PRIM2: variants seen among roughly 807,000 people sequenced by gnomAD.
PRIM2 encodes the protein DNA primase subunit 2.
PRIM2 carries 39 observed loss-of-function variants against 67.3 expected under a neutral mutation model. The ratio of observed to expected loss-of-function variants is 0.58; its 90% CI spans 0.45 to 0.76. The LOEUF is 0.76. Ranked by LOEUF, PRIM2 falls within the 30% of genes least tolerant of loss-of-function variation. PRIM2 has a pLI of 0.00. For synonymous variants in PRIM2, 143 were observed against 198.7 expected, an observed-to-expected ratio of 0.72 and a Z score of 2.36; for missense variants, 398 against 598.7, an observed-to-expected ratio of 0.66 and a Z score of 3.50.
the PRIM2 span, among the ~76,000 whole-genome samples, chr6:57,222,474 GA>G: frequency 6.6e-6 from 1 of 152,226 alleles, no homozygotes; most frequent in Non-Finnish European, 1.5e-5. Context: ...GTGAACTCTA[GA>G]AAAGAGAAAT....
intron 9 of PRIM2, among the ~76,000 whole-genome samples, chr6:57,537,178 AAAC>A (rs1391388943): frequency 1.3e-5 from 2 of 152,222 alleles, no homozygotes; most frequent in African/African-American, 4.8e-5. Flanking sequence ...TAAATTAAAA[AAAC>A]AGGTAAAATA....
upstream of PRIM2, among the ~76,000 whole-genome samples, chr6:57,309,825 C>T (rs1001202777): frequency 6.6e-5 from 10 of 152,220 alleles, no homozygotes; most frequent in African/African-American, 2.4e-4. Context: ...TCTCTAGCAC[C>T]TGTTGTTTCC....
intron 8 of PRIM2, among the ~76,000 whole-genome samples, chr6:57,513,646 C>G (rs1774416227): frequency 2.0e-5 from 3 of 152,186 alleles, no homozygotes; most frequent in Admixed American, 1.3e-4. Context: ...GTAAACCCAG[C>G]ACTTTGGGAG....
chr6:57,610,949 A>G (rs1490308062), intron 12 of PRIM2, among the ~76,000 whole-genome samples: 1 of 152,196 alleles, frequency 6.6e-6, no homozygotes, highest in African/African-American at 2.4e-5. Flanking sequence ...TTTAAAATCC[A>G]TTACAAATGT....
chr6:57,507,545 C>A, intron 8 of PRIM2, 91 bp downstream of exon 8: 1 of 1,369,318 alleles, frequency 7.3e-7, no homozygotes, highest in Non-Finnish European at 9.7e-7. Flanking sequence ...CCTTCAATTA[C>A]TAAAAACTTA....
At chr6:57,246,094 T>A in the PRIM2 span, among the ~76,000 whole-genome samples, 1 of 152,210 alleles carries the variant, frequency 6.6e-6, no homozygotes, top group Non-Finnish European at 1.5e-5. Context: ...AAAACTCCAG[T>A]TCCTTATAAA....
the PRIM2 span, among the ~76,000 whole-genome samples, chr6:57,290,272 T>C: frequency 6.6e-6 from 1 of 152,072 alleles, no homozygotes; most frequent in Admixed American, 6.5e-5. Context: ...CATTACATAA[T>C]GGTAAAGGGA....
intron 10 of PRIM2, among the ~76,000 whole-genome samples, chr6:57,564,392 A>G (rs1195049612): frequency 6.6e-6 from 1 of 152,216 alleles, no homozygotes; most frequent in Non-Finnish European, 1.5e-5. Context: ...TCCCTCCCCA[A>G]ATAAAAAACA....
At chr6:57,473,354 C>CA (rs1773383544) in intron 7 of PRIM2, among the ~76,000 whole-genome samples, 2 of 152,184 alleles carry the variant, frequency 1.3e-5, no homozygotes, top group African/African-American at 2.4e-5. Context: ...CTTATAGCAC[C>CA]ATGCCAGACT....
chr6:57,274,413 A>G, the PRIM2 span, among the ~76,000 whole-genome samples: 2 of 152,242 alleles, frequency 1.3e-5, no homozygotes, highest in Admixed American at 6.5e-5. Flanking sequence ...CCGTGGGCAT[A>G]GGACCCTCTG....
chr6:57,300,460 T>A, the PRIM2 span, among the ~76,000 whole-genome samples: 1 of 152,086 alleles, frequency 6.6e-6, no homozygotes, highest in East Asian at 1.9e-4. Flanking sequence ...TGTATGTGCG[T>A]GTGTGTGTGC....
Position 57,339,025 on chromosome 6 carries a change from A to G in PRIM2, c.459+12980A>G, listed in dbSNP as rs536616699. The stretch of plus-strand genomic sequence containing the variant: ...AGCAAAGTCTCAGGATACAAAATCA[A>G]TGTACAAAAATCACAAGCATTCTTA... On this transcript the variant is annotated intron_variant, in intron 5 of 13. Transcript: ENST00000615550. Among the ~76,000 whole-genome samples the G allele has an allele frequency of 3.9e-3, 593 of 152,266 alleles. 3 individuals are homozygous for G. Among genetic ancestry groups the G allele is most frequent in the African/African-American group, 0.013 (550 of 41,536 alleles).
intron 10 of PRIM2, among the ~76,000 whole-genome samples, chr6:57,548,890 A>G (rs1775344099): frequency 6.6e-6 from 1 of 152,260 alleles, no homozygotes; most frequent in East Asian, 1.9e-4. Context: ...AGTCTAGAAT[A>G]ACACCTTCCA....
intron 7 of PRIM2, among the ~76,000 whole-genome samples, chr6:57,409,377 G>A (rs1408566987): frequency 7.2e-5 from 11 of 152,044 alleles, no homozygotes; most frequent in African/African-American, 2.7e-4. Context: ...GGGTTTCACC[G>A]TGTTAGCCAG....
the PRIM2 span, among the ~76,000 whole-genome samples, chr6:57,238,426 A>G: frequency 6.6e-6 from 1 of 152,224 alleles, no homozygotes; most frequent in East Asian, 1.9e-4. Context: ...AAACCTCTCA[A>G]CTACATGGAA....
In PRIM2 at chr6:57,628,083, A is replaced by G. The variant is rs1176775600; in HGVS notation, c.1231-4050A>G. On this transcript the variant is annotated intron_variant, in intron 12 of 13. Coordinates refer to ENST00000615550, the MANE Select transcript of PRIM2 (RefSeq NM_000947.5). ...ACATGAAAACTGGAGAGTTAGTGTCAGTGCTCATTGAAACATCTTTTGTGA... is the reference window on the plus strand; with the variant it reads ...ACATGAAAACTGGAGAGTTAGTGTCGGTGCTCATTGAAACATCTTTTGTGA... 6.5e-4 allele frequency among the ~76,000 whole-genome samples: 99 copies of G among 152,368 alleles called. 1 individual carries two copies. Among genetic ancestry groups the G allele is most frequent in the African/African-American group, 2.4e-3 (98 of 41,586 alleles).
chr6:57,596,212 A>G (rs1389745961), intron 10 of PRIM2, among the ~76,000 whole-genome samples: 1 of 151,694 alleles, frequency 6.6e-6, no homozygotes. Flanking sequence ...ACAATATCAC[A>G]TCCAGGTGCC....
At chr6:57,644,001 AC>A (rs1179181389) in intron 13 of PRIM2, among the ~76,000 whole-genome samples, 2 of 152,108 alleles carry the variant, frequency 1.3e-5, no homozygotes, top group Non-Finnish European at 2.9e-5. Context: ...CATGGCAGCA[AC>A]CCCTTTTTCC....
chr6:57,378,329 G>A (rs1252160806), intron 5 of PRIM2, among the ~76,000 whole-genome samples: 1 of 151,618 alleles, frequency 6.6e-6, no homozygotes, highest in African/African-American at 2.4e-5. Context: ...GCCTCCAAAA[G>A]TGCTGGGATT....
Sources: allele counts gnomAD v4.1 joint callset (sites outside exome capture counted in the v4.1 genomes callset), GRCh38; gene constraint gnomAD v4.1.1; transcripts MANE v1.5; gene names NCBI Gene and HGNC (gene_info 2026-07-23, HGNC 2026-07-21).